The following TLCD4 variants were observed in gnomAD, a reference collection of about 807,000 sequenced individuals.
TLCD4 encodes TLC domain-containing protein 4.
A neutral mutation model predicts 24.2 loss-of-function variants in TLCD4; 7 were observed. The observed-to-expected ratio is 0.29, with a 90% confidence interval of 0.16 to 0.54. The LOEUF (loss-of-function observed/expected upper bound fraction) is 0.54, where lower values mean the gene tolerates loss of function less well. TLCD4 is among the 20% of genes least tolerant of loss of function. TLCD4 has a pLI of 0.95. For synonymous variants in TLCD4, 103 were observed against 106.4 expected, an observed-to-expected ratio of 0.97 and a Z score of 0.20; for missense variants, 259 against 313.9, an observed-to-expected ratio of 0.82 and a Z score of 1.32.
chr1:95,111,769 C>A, the TLCD4 span, among the ~76,000 whole-genome samples: 1 of 152,074 alleles, frequency 6.6e-6, no homozygotes, highest in Non-Finnish European at 1.5e-5. Context: ...GCTCTTGGAC[C>A]CCTGGGTCCC....
chr1:95,194,974 A>C lies in TLCD4; in HGVS notation c.*3106A>C, dbSNP rs1313944971. ...ACTGTTTGATTTTATTATTTCATGG[A>C]CTAGCCTTACGTTAAGTGAAATACT... On this transcript the variant is annotated 3_prime_UTR_variant, in exon 7 of 7. Transcript: ENST00000370203. The C allele has an allele frequency of 6.6e-6, 1 of 152,166 alleles. No individual in the cohort carries two copies. Among genetic ancestry groups the C allele is most frequent in the Non-Finnish European group, 1.5e-5 (1 of 68,018 alleles). 9.4% of individuals were successfully genotyped at this position (152,166 alleles called of 1,614,324 possible).
chr1:95,119,430 AAAG>A (rs1676512710), intron 1 of TLCD4, among the ~76,000 whole-genome samples: 3 of 152,184 alleles, frequency 2.0e-5, no homozygotes, highest in Admixed American at 6.6e-5. Flanking sequence ...GACTGGGGAG[AAAG>A]AAGTAGTGGC....
rs186876354 is a variant in TLCD4, at chr1:95,188,260, C to T, written c.474-3290C>T. On this transcript the variant is annotated intron_variant, in intron 6 of 6. Transcript: ENST00000370203. ...AAAATTAGCCGGGCATGGTGGCGGG[C>T]GCCTGTAGTCCCAGCTACTCGGGAG... Among the ~76,000 whole-genome samples, 403 of 151,992 alleles carry T rather than the reference C, an allele frequency of 2.7e-3. 1 individual carries two copies. Among genetic ancestry groups the T allele is most frequent in the African/African-American group, 9.2e-3 (381 of 41,480 alleles).
intron 5 of TLCD4, among the ~76,000 whole-genome samples, chr1:95,153,578 G>C (rs1276495085): frequency 6.6e-6 from 1 of 152,126 alleles, no homozygotes; most frequent in Non-Finnish European, 1.5e-5. Flanking sequence ...TGCTAAAACA[G>C]AAAGCTTTTT....
At chr1:95,132,976 A>G (rs1676935933) in intron 1 of TLCD4, among the ~76,000 whole-genome samples, 1 of 152,146 alleles carries the variant, frequency 6.6e-6, no homozygotes, top group Admixed American at 6.5e-5. Flanking sequence ...TGGGGACAAC[A>G]GTGGAGTGTG....
In TLCD4 at chr1:95,196,731, A is replaced by G. The variant is rs1679217866; in HGVS notation, c.*4863A>G. 1 of 152,134 alleles carries G rather than the reference A, an allele frequency of 6.6e-6. No individual in the cohort carries two copies. Among genetic ancestry groups the G allele is most frequent in the Admixed American group, 6.6e-5 (1 of 15,254 alleles). The allele number at this position is 152,134 out of a possible 1,614,324, so 9.4% of individuals were successfully genotyped here. A position where few individuals can be genotyped will look rare whatever the true frequency, so the allele number is the denominator to read the frequency against. On this transcript the variant is annotated 3_prime_UTR_variant, in exon 7 of 7. Coordinates refer to ENST00000370203, the MANE Select transcript of TLCD4 (RefSeq NM_152487.3). Reference sequence around the variant, plus strand: ...CTGAAAACTCGTTAAACATCTTTGGATATTTTTTCTTTATATCTTTATGTA... The same window carrying G: ...CTGAAAACTCGTTAAACATCTTTGGGTATTTTTTCTTTATATCTTTATGTA...
the TLCD4 span, among the ~76,000 whole-genome samples, chr1:95,101,706 A>G: frequency 6.6e-6 from 1 of 152,194 alleles, no homozygotes; most frequent in African/African-American, 2.4e-5. Context: ...GAACAACTCT[A>G]TGATACTGCT....
At chr1:95,139,175 A>C (rs1208301519) in intron 1 of TLCD4, among the ~76,000 whole-genome samples, 1 of 51,746 alleles carries the variant, frequency 1.9e-5, no homozygotes, top group Non-Finnish European at 3.3e-5. Context: ...AACCTGTGTC[A>C]AAAAAAAAAA....
At chr1:95,183,345 A>G (rs568590087) in intron 6 of TLCD4, among the ~76,000 whole-genome samples, 27 of 152,330 alleles carry the variant, frequency 1.8e-4, no homozygotes, top group African/African-American at 6.5e-4. Flanking sequence ...AAATGTGCCC[A>G]TCAAAAGTGA....
chr1:95,106,999 T>C, the TLCD4 span, among the ~76,000 whole-genome samples: 1 of 152,208 alleles, frequency 6.6e-6, no homozygotes, highest in East Asian at 1.9e-4. Flanking sequence ...GATTCATATG[T>C]ATGGGTTGAG....
chr1:95,113,528 A>G (rs4950077), upstream of TLCD4, among the ~76,000 whole-genome samples: 45,585 of 152,008 alleles, frequency 0.3, 8,026 homozygotes, highest in Middle Eastern at 0.4. Context: ...GAGATGAAGA[A>G]CATGGTAGGG....
At chr1:95,138,615 TGTACTGAATACAGTACA>T (rs889101184) in intron 1 of TLCD4, 2 of 149,522 alleles carry the variant, frequency 1.3e-5, no homozygotes, top group Non-Finnish European at 3.0e-5. Context: ...CAGCATTTAC[TGTACTGAATACAGTACA>T]GTACTGTACT....
chr1:95,119,934 T>C (rs1055337501), intron 1 of TLCD4, among the ~76,000 whole-genome samples: 1 of 150,798 alleles, frequency 6.6e-6, no homozygotes, highest in Non-Finnish European at 1.5e-5. Context: ...CACTAAGATA[T>C]GAAAAGCTAG....
the TLCD4 span, among the ~76,000 whole-genome samples, chr1:95,094,123 T>C: frequency 6.6e-6 from 1 of 152,140 alleles, no homozygotes; most frequent in South Asian, 2.1e-4. Flanking sequence ...GTGAAGAAAC[T>C]TGGGCTAAGC....
At chr1:95,105,843 C>G in the TLCD4 span, among the ~76,000 whole-genome samples, 4 of 139,554 alleles carry the variant, frequency 2.9e-5, no homozygotes, top group Non-Finnish European at 4.6e-5. Flanking sequence ...TGCAGTGAGC[C>G]GAGATTGCAC....
At chr1:95,141,921 T>G (rs1030002738) in intron 1 of TLCD4, among the ~76,000 whole-genome samples, 1 of 151,962 alleles carries the variant, frequency 6.6e-6, no homozygotes, top group Non-Finnish European at 1.5e-5. Context: ...ATATCCTGGT[T>G]GGAAGGGAAT....
intron 1 of TLCD4, among the ~76,000 whole-genome samples, chr1:95,140,183 A>T (rs1366415658): frequency 6.6e-6 from 1 of 152,184 alleles, no homozygotes; most frequent in East Asian, 1.9e-4. Context: ...TAAGCCAGTA[A>T]CATAGTCATT....
chr1:95,144,040 A>G lies in TLCD4; in HGVS notation c.139A>G (p.Ile47Val). ...CAATAGTCTCAGCTTCAAAAAGAAG[A>G]TTGAATGGAACTCAAGGTAAAGCAT... is the stretch of plus-strand genomic sequence containing the variant. Reference protein sequence around the residue: ...GFNSLSFKKKIEWNSRVVSTC... With the variant: ...GFNSLSFKKKVEWNSRVVSTC... The change falls in exon 2 of 7, where the codon ATT becomes GTT. Residue 47 changes from isoleucine to valine, a missense_variant. Physicochemically the swap from Ile to Val is conservative, Grantham distance 29 (BLOSUM62 3). Coordinates refer to ENST00000370203, the MANE Select transcript of TLCD4 (RefSeq NM_152487.3). 6.5e-7 allele frequency: 1 copy of G among 1,536,338 alleles called. No homozygotes were observed. Among genetic ancestry groups the G allele is most frequent in the East Asian group, 2.4e-5 (1 of 41,344 alleles).
chr1:95,181,271 A>G (rs1678631826), intron 6 of TLCD4, among the ~76,000 whole-genome samples: 1 of 151,942 alleles, frequency 6.6e-6, no homozygotes, highest in African/African-American at 2.4e-5. Context: ...ATCTGGAATG[A>G]TAGAATTCAG....
Sources: gnomAD v4.1 joint callset for allele counts (sites outside exome capture counted in the v4.1 genomes callset) on GRCh38, gnomAD v4.1.1 for gene constraint, MANE v1.5 for transcripts, NCBI Gene and HGNC (gene_info 2026-07-23, HGNC 2026-07-21) for gene names.